PRELID2: variants seen among roughly 807,000 people sequenced by gnomAD.
PRELID2 encodes PRELI domain-containing protein 2.
Under a neutral mutation model 28.4 loss-of-function variants are expected in PRELID2, and 25 were observed. The ratio of observed to expected loss-of-function variants is 0.88; its 90% CI spans 0.64 to 1.23. PRELID2 has a LOEUF of 1.23. PRELID2 is among the 50% of genes most tolerant of loss of function. PRELID2 has a pLI of 0.00. For synonymous variants in PRELID2, 76 were observed against 71.6 expected, an observed-to-expected ratio of 1.06 and a Z score of -0.31; for missense variants, 201 against 214.4, an observed-to-expected ratio of 0.94 and a Z score of 0.39.
intron 3 of PRELID2, chr5:145,819,353 C>A: frequency 6.5e-7 from 1 of 1,533,568 alleles, no homozygotes; most frequent in Non-Finnish European, 9.0e-7. Flanking sequence ...ATGGGTCAAG[C>A]AATGTGATTA....
At chr5:145,428,153 T>G in the PRELID2 span, among the ~76,000 whole-genome samples, 1 of 152,100 alleles carries the variant, frequency 6.6e-6, no homozygotes, top group Admixed American at 6.5e-5. Flanking sequence ...GAGATGGGGT[T>G]TCACCGTGTT....
At chr5:145,537,696 G>C (rs754685259) in intron 1 of PRELID2, among the ~76,000 whole-genome samples, 9 of 151,622 alleles carry the variant, frequency 5.9e-5, no homozygotes, top group Non-Finnish European at 8.9e-5. Context: ...TTGTTTTACT[G>C]TTGAGTTGTT....
At position 145,758,970 on chromosome 5, in the gene PRELID2, C is replaced by G. The variant is rs1340914655; in HGVS notation, c.*1566G>C. 1 of 148,936 alleles carries G rather than the reference C, an allele frequency of 6.7e-6. No individual in the cohort carries two copies. The highest frequency in any genetic ancestry group is 1.5e-5 in the Non-Finnish European group (1 of 67,484). The allele number at this position is 148,936 out of a possible 1,614,324, so 9.2% of individuals were successfully genotyped here. A position where few individuals can be genotyped will look rare whatever the true frequency, so the allele number is the denominator to read the frequency against. On this transcript the variant is annotated 3_prime_UTR_variant, in exon 7 of 7. Coordinates refer to ENST00000683046, the MANE Select transcript of PRELID2 (RefSeq NM_205846.3). Reference sequence around the variant, plus strand: ...CAGACATTTTAAAAAAAAATTTCCCCAAGACTCTCCAGTAACGGCCTGAAT... The same window carrying G: ...CAGACATTTTAAAAAAAAATTTCCCGAAGACTCTCCAGTAACGGCCTGAAT...
the PRELID2 span, among the ~76,000 whole-genome samples, chr5:145,375,648 G>T: frequency 6.6e-6 from 1 of 152,184 alleles, no homozygotes; most frequent in Non-Finnish European, 1.5e-5. Flanking sequence ...GGGAGATCTG[G>T]GTTCTGTCCC....
chr5:145,368,785 A>AT, the PRELID2 span, among the ~76,000 whole-genome samples: 7 of 149,530 alleles, frequency 4.7e-5, no homozygotes, highest in African/African-American at 1.5e-4. Context: ...AGTCTCTTTC[A>AT]TTTTTTTTGT....
chr5:145,305,266 C>T, the PRELID2 span, among the ~76,000 whole-genome samples: 1 of 152,124 alleles, frequency 6.6e-6, no homozygotes, highest in African/African-American at 2.4e-5. Flanking sequence ...CAGTGAAAAA[C>T]AAATGGAAAA....
chr5:145,447,050 AAAAT>A, the PRELID2 span, among the ~76,000 whole-genome samples: 101 of 140,230 alleles, frequency 7.2e-4, no homozygotes, highest in East Asian at 1.2e-3. Flanking sequence ...ACTCCATCTC[AAAAT>A]AAATAAATAA....
the PRELID2 span, among the ~76,000 whole-genome samples, chr5:145,287,566 T>G: frequency 6.6e-6 from 1 of 152,194 alleles, no homozygotes; most frequent in African/African-American, 2.4e-5. Context: ...TGGTTGATCA[T>G]GTGTAACTGA....
At chr5:145,596,239 CTTTA>C (rs745975402) in intron 1 of PRELID2, among the ~76,000 whole-genome samples, 37 of 151,764 alleles carry the variant, frequency 2.4e-4, no homozygotes, top group Non-Finnish European at 4.3e-4. Flanking sequence ...TACTTAATGA[CTTTA>C]TTTATTCAGC....
the PRELID2 span, among the ~76,000 whole-genome samples, chr5:145,326,321 T>C: frequency 6.6e-6 from 1 of 152,126 alleles, no homozygotes; most frequent in Non-Finnish European, 1.5e-5. Flanking sequence ...ATTATTAAAG[T>C]GTCAGTTCTC....
the PRELID2 span, among the ~76,000 whole-genome samples, chr5:145,456,993 T>C: frequency 3.3e-5 from 5 of 152,132 alleles, no homozygotes; most frequent in African/African-American, 4.8e-5. Flanking sequence ...TCTAATAAAG[T>C]AGATAATATA....
At position 145,644,146 on chromosome 5, in the gene PRELID2, A is replaced by C. The variant is rs1463075654; in HGVS notation, n.70+120785T>G. ...CGGCTGTGAATCCATCTGGTCCTGA[A>C]CTTTTTTTGGTTGGTAGGCTATTAA... On this transcript the variant is annotated intron_variant and non_coding_transcript_variant, in intron 1 of 2. Transcript: ENST00000510259. Among the ~76,000 whole-genome samples, 3 of 152,178 alleles carry C rather than the reference A, an allele frequency of 2.0e-5. No individual in the cohort carries two copies. In the East Asian group the frequency reaches 5.8e-4, roughly 29 times the overall value.
intron 1 of PRELID2, among the ~76,000 whole-genome samples, chr5:145,732,920 A>C (rs150639657): frequency 1.2e-3 from 188 of 151,826 alleles, no homozygotes; most frequent in African/African-American, 4.4e-3. Context: ...GAGAATAATA[A>C]CTCAACTCTT....
intron 1 of PRELID2, among the ~76,000 whole-genome samples, chr5:145,652,724 C>G (rs1190006921): frequency 1.3e-5 from 2 of 152,154 alleles, no homozygotes; most frequent in Non-Finnish European, 2.9e-5. Context: ...ACCACCAGGC[C>G]TGCCCTACAA....
the PRELID2 span, among the ~76,000 whole-genome samples, chr5:145,299,571 G>T: frequency 1.3e-5 from 2 of 151,670 alleles, no homozygotes; most frequent in African/African-American, 2.4e-5. Flanking sequence ...CCTGATCGTT[G>T]CATCCTGAGT....
At chr5:145,347,981 T>C in the PRELID2 span, among the ~76,000 whole-genome samples, 27 of 152,236 alleles carry the variant, frequency 1.8e-4, no homozygotes, top group Admixed American at 1.6e-3. Context: ...AGTCACTGTG[T>C]ATTTTTAGCA....
intron 1 of PRELID2, among the ~76,000 whole-genome samples, chr5:145,531,118 CTA>C (rs1483156143): frequency 2.0e-5 from 3 of 152,136 alleles, no homozygotes; most frequent in Non-Finnish European, 4.4e-5. Context: ...GCTCTTTGAT[CTA>C]TCTCACTATA....
At chr5:145,267,263 G>C in the PRELID2 span, among the ~76,000 whole-genome samples, 1 of 152,080 alleles carries the variant, frequency 6.6e-6, no homozygotes, top group African/African-American at 2.4e-5. Context: ...CAGCTGATTA[G>C]ATGGTGCCCA....
chr5:145,322,864 CCAGCTACTCGGGAGGCTGAGGTAG>C, the PRELID2 span, among the ~76,000 whole-genome samples: 4 of 151,960 alleles, frequency 2.6e-5, no homozygotes, highest in Admixed American at 2.0e-4. Context: ...GCCTGTAGTC[CCAGCTACTCGGGAGGCTGAGGTAG>C]CAGAATTGTT....
Sources: allele counts gnomAD v4.1 joint callset (sites outside exome capture counted in the v4.1 genomes callset), GRCh38; gene constraint gnomAD v4.1.1; transcripts MANE v1.5; gene names NCBI Gene and HGNC (gene_info 2026-07-23, HGNC 2026-07-21).